The following ZFAND2A variants were observed in gnomAD, a reference collection of about 807,000 sequenced individuals.
ZFAND2A encodes the protein AN1-type zinc finger protein 2A.
ZFAND2A carries 20 observed loss-of-function variants against 11.6 expected under a neutral mutation model. That is an observed-to-expected ratio of 1.72 (90% CI 1.21 to 2.50). The LOEUF (loss-of-function observed/expected upper bound fraction) is 2.50, where lower values mean the gene tolerates loss of function less well. Ranked by LOEUF, ZFAND2A falls within the 30% of genes most tolerant of loss-of-function variation. ZFAND2A has a pLI of 0.00. For synonymous variants in ZFAND2A, 93 were observed against 60.6 expected, an observed-to-expected ratio of 1.54 and a Z score of -2.48; for missense variants, 234 against 182.9, an observed-to-expected ratio of 1.28 and a Z score of -1.61.
intron 4 of ZFAND2A, among the ~76,000 whole-genome samples, chr7:1,154,183 A>ATTT (rs141971953): frequency 1.6e-5 from 2 of 128,858 alleles, no homozygotes; most frequent in Admixed American, 7.8e-5. Flanking sequence ...CCCACCGGTC[A>ATTT]TTTTTTTTTT....
chr7:1,149,375 C>A (rs1173728384), downstream of ZFAND2A, among the ~76,000 whole-genome samples: 1 of 152,210 alleles, frequency 6.6e-6, no homozygotes, highest in African/African-American at 2.4e-5. Context: ...CAGTCCCAGA[C>A]CAGACGTGTC....
At chr7:1,158,984 C>A (rs375492249) in intron 1 of ZFAND2A, among the ~76,000 whole-genome samples, 19 of 152,302 alleles carry the variant, frequency 1.2e-4, no homozygotes, top group South Asian at 1.2e-3. Context: ...TCTCCCCACT[C>A]CTGGAGGCCT....
intron 3 of ZFAND2A, among the ~76,000 whole-genome samples, chr7:1,156,745 C>T (rs1000070686): frequency 1.3e-5 from 2 of 152,216 alleles, no homozygotes; most frequent in African/African-American, 4.8e-5. Flanking sequence ...GTCTACAGCC[C>T]GAGCTGGGAG....
At position 1,159,960 on chromosome 7, in the gene ZFAND2A, G is replaced by C. The variant is rs924820242; in HGVS notation, c.-46+4C>G. 6.3e-6 allele frequency: 1 copy of C among 158,898 alleles called. No individual in the cohort carries two copies. The highest frequency in any genetic ancestry group is 6.5e-5 in the Admixed American group (1 of 15,304). The allele number at this position is 158,898 out of a possible 1,614,324, so 9.8% of individuals were successfully genotyped here. ...ACCCTGTCTGCGCAATCCCGGCCCC[G>C]TACCTGGCTCTCGTCGGGGACCCAG... On this transcript the variant is annotated splice_donor_region_variant and intron_variant, in intron 1 of 4. Transcript: ENST00000316495.
At chr7:1,158,364 G>A in intron 1 of ZFAND2A, 107 bp from the exon 2 acceptor site, 3 of 685,496 alleles carry the variant, frequency 4.4e-6, no homozygotes, top group South Asian at 3.7e-5. Flanking sequence ...ACTGTGTGGG[G>A]AGCATTCCAT....
At chr7:1,152,662 C>T (rs373749012), downstream of ZFAND2A, among the ~76,000 whole-genome samples, 10 of 152,156 alleles carry the variant, frequency 6.6e-5, no homozygotes, top group South Asian at 1.0e-3. Context: ...AAGGGGAAGT[C>T]GGGACACACA....
downstream of ZFAND2A, among the ~76,000 whole-genome samples, chr7:1,149,853 GTTTTT>G (rs11349429): frequency 2.9e-5 from 4 of 139,862 alleles, no homozygotes; most frequent in Admixed American, 1.4e-4. Context: ...TTGTTCTTAA[GTTTTT>G]TTTTTTTTTT....
intron 3 of ZFAND2A, 66 bp downstream of exon 3, chr7:1,157,590 A>G (rs1161757214): frequency 6.9e-7 from 1 of 1,459,834 alleles, no homozygotes; most frequent in African/African-American, 1.4e-5. Context: ...AGTCCCTACC[A>G]TACCAGCAAG....
intron 1 of ZFAND2A, among the ~76,000 whole-genome samples, chr7:1,158,462 A>C (rs991031484): frequency 6.6e-6 from 1 of 152,202 alleles, no homozygotes; most frequent in African/African-American, 2.4e-5. Context: ...TTTAATTCCT[A>C]GTCTATGAAG....
Position 1,153,084 on chromosome 7 carries a change from G to T in ZFAND2A, c.423C>A (p.Thr141=). 6.2e-7 allele frequency: 1 copy of T among 1,614,172 alleles called. No individual in the cohort carries two copies. The highest frequency in any genetic ancestry group is 8.5e-7 in the Non-Finnish European group (1 of 1,180,034). Reference sequence around the variant, plus strand: ...GAGTCTCTTCTCACCCAGCTTTGATGGTGGGGCGACTCCCGTGTCTGCAGC... The same window carrying T: ...GAGTCTCTTCTCACCCAGCTTTGATTGTGGGGCGACTCCCGTGTCTGCAGC... ...DHSCRHGSRP[T]IKAG The change falls in exon 5 of 5, where the codon ACC becomes ACA. Residue 141 remains threonine (T), a synonymous_variant. Transcript: ENST00000316495.
At chr7:1,157,558 A>C in intron 3 of ZFAND2A, 98 bp downstream of exon 3, 1 of 1,211,878 alleles carries the variant, frequency 8.3e-7, no homozygotes, top group African/African-American at 1.6e-5. Flanking sequence ...TTTAATTTTC[A>C]ATGAGTTAGC....
chr7:1,157,791 C>T (rs763244803), intron 2 of ZFAND2A, 41 bp from the exon 3 acceptor site: 2 of 1,416,516 alleles, frequency 1.4e-6, no homozygotes, highest in Non-Finnish European at 1.9e-6. Flanking sequence ...ACGACTGGAA[C>T]AAAATACTTC....
chr7:1,151,776 C>CAAAAAAAAAAAAA (rs1563158643), downstream of ZFAND2A, among the ~76,000 whole-genome samples: 53 of 52,624 alleles, frequency 1.0e-3, no homozygotes, highest in East Asian at 1.6e-3. Flanking sequence ...AAAAAAAAAG[C>CAAAAAAAAAAAAA]AAAGCCAGCC....
intron 2 of ZFAND2A, 36 bp downstream of exon 2, chr7:1,158,122 A>G (rs373649854): frequency 6.9e-6 from 11 of 1,602,374 alleles, no homozygotes; most frequent in East Asian, 2.2e-5. Flanking sequence ...CCCCAACAAA[A>G]TACCATTTTC....
chr7:1,153,953 GAAAA>G (rs201850008), intron 4 of ZFAND2A, among the ~76,000 whole-genome samples: 2 of 146,590 alleles, frequency 1.4e-5, no homozygotes, highest in East Asian at 2.1e-4. Flanking sequence ...TAAAAAGAAA[GAAAA>G]AAAAAAGCCG....
intron 4 of ZFAND2A, among the ~76,000 whole-genome samples, chr7:1,154,056 C>T (rs945089765): frequency 3.3e-5 from 5 of 151,890 alleles, no homozygotes; most frequent in African/African-American, 1.2e-4. Context: ...AAGCAGGGAG[C>T]GGGAGGGAAG....
chr7:1,159,094 C>A (rs1272306790), intron 1 of ZFAND2A, among the ~76,000 whole-genome samples: 1 of 152,178 alleles, frequency 6.6e-6, no homozygotes, highest in Non-Finnish European at 1.5e-5. Flanking sequence ...TCCCCAGTTC[C>A]CTCTATGTTA....
downstream of ZFAND2A, among the ~76,000 whole-genome samples, chr7:1,151,107 C>G (rs868760486): frequency 6.6e-6 from 1 of 152,106 alleles, no homozygotes; most frequent in Admixed American, 6.5e-5. Context: ...AGGCTGGTCT[C>G]AAACTCCTGA....
intron 4 of ZFAND2A, among the ~76,000 whole-genome samples, chr7:1,153,687 G>A (rs1354477494): frequency 6.6e-6 from 1 of 152,226 alleles, no homozygotes; most frequent in Non-Finnish European, 1.5e-5. Flanking sequence ...GCTCACGCCT[G>A]TCATCCCAGC....
Sources: gnomAD v4.1 joint callset for allele counts (sites outside exome capture counted in the v4.1 genomes callset) on GRCh38, gnomAD v4.1.1 for gene constraint, MANE v1.5 for transcripts, NCBI Gene and HGNC (gene_info 2026-07-23, HGNC 2026-07-21) for gene names.